The following SLC8A1 variants were observed in gnomAD, a reference collection of about 807,000 sequenced individuals.
The protein encoded by SLC8A1 is solute carrier family 8 member A1.
Under a neutral mutation model 68.3 loss-of-function variants are expected in SLC8A1, and 18 were observed. The ratio of observed to expected loss-of-function variants is 0.26; its 90% confidence interval spans 0.18 to 0.39. The LOEUF (loss-of-function observed/expected upper bound fraction) is 0.39. Among genes scored for constraint, SLC8A1 ranks in the 10% least tolerant of loss-of-function variants. The probability of loss-of-function intolerance (pLI) is 1.00; values close to 1 mark genes in which losing one functional copy is unlikely to be tolerated. For synonymous variants in SLC8A1, 475 were observed against 415.5 expected (o/e 1.14, Z -1.74); for missense variants, 985 against 1,156.7 (o/e 0.85, Z 2.15).
At chr2:40,403,729 G>C (rs902067909) in intron 2 of SLC8A1, among the ~76,000 whole-genome samples, 7 of 152,142 alleles carry the variant, frequency 4.6e-5, no homozygotes, top group South Asian at 2.1e-4. Context: ...AACATTTATT[G>C]TGCAAGATTC....
intron 1 of SLC8A1, among the ~76,000 whole-genome samples, chr2:40,434,334 G>T (rs1698983418): frequency 6.6e-6 from 1 of 152,160 alleles, no homozygotes; most frequent in South Asian, 2.1e-4. Context: ...GAACTCTCTG[G>T]ACTTAAATTT....
At chr2:40,298,770 T>C (rs1022964303) in intron 2 of SLC8A1, among the ~76,000 whole-genome samples, 3 of 152,146 alleles carry the variant, frequency 2.0e-5, no homozygotes, top group Non-Finnish European at 4.4e-5. Context: ...CTTATAGGAT[T>C]TTAAATATAA....
At chr2:40,248,826 T>C (rs1385904364) in intron 2 of SLC8A1, among the ~76,000 whole-genome samples, 1 of 152,148 alleles carries the variant, frequency 6.6e-6, no homozygotes, top group Non-Finnish European at 1.5e-5. Flanking sequence ...TTCTGATCTT[T>C]AGGGATTTAG....
intron 2 of SLC8A1, among the ~76,000 whole-genome samples, chr2:40,387,491 A>G (rs1392876593): frequency 6.6e-6 from 1 of 151,356 alleles, no homozygotes; most frequent in African/African-American, 2.5e-5. Context: ...ATCGCAGACA[A>G]ACTACCTAAG....
chr2:40,428,131 A>G (rs969440670), intron 2 of SLC8A1, among the ~76,000 whole-genome samples: 2 of 152,134 alleles, frequency 1.3e-5, no homozygotes, highest in Non-Finnish European at 2.9e-5. Context: ...ATACCATGTG[A>G]TTCAAAATAG....
intron 2 of SLC8A1, among the ~76,000 whole-genome samples, chr2:40,320,038 G>A (rs1212259017): frequency 2.0e-5 from 3 of 152,014 alleles, no homozygotes; most frequent in Admixed American, 6.6e-5. Context: ...AATGCCAAGG[G>A]CACAACAATT....
intron 1 of SLC8A1, among the ~76,000 whole-genome samples, chr2:40,509,011 A>G (rs766382296): frequency 7.9e-5 from 12 of 152,260 alleles, no homozygotes; most frequent in South Asian, 2.1e-4. Flanking sequence ...AAATAAATCA[A>G]TGGGATAAGG....
rs376934125 is a variant in SLC8A1, at chr2:40,394,564, A to G, written c.1808+33909T>C. The stretch of plus-strand genomic sequence containing the variant: ...GTTAGACATTTCGATAAGATTATAC[A>G]GAGCATATAGTGGATGCCTACTACA... On this transcript the variant is annotated intron_variant, in intron 2 of 7. Transcript: ENST00000406785. 7.2e-5 allele frequency among the ~76,000 whole-genome samples: 11 copies of G among 152,228 alleles called. No homozygotes were observed. The East Asian group carries it at 1.9e-3, about 27-fold the overall frequency.
upstream of SLC8A1, among the ~76,000 whole-genome samples, chr2:40,456,897 C>T (rs1703055103): frequency 6.6e-6 from 1 of 152,284 alleles, no homozygotes; most frequent in Non-Finnish European, 1.5e-5. Flanking sequence ...TACATTTCTA[C>T]ATCAAGAGAG....
intron 2 of SLC8A1, among the ~76,000 whole-genome samples, chr2:40,353,455 T>G (rs1671729472): frequency 6.6e-6 from 1 of 152,100 alleles, no homozygotes; most frequent in South Asian, 2.1e-4. Flanking sequence ...GGAAAATGGC[T>G]CTGACCCATT....
At chr2:40,271,120 G>A (rs916188256) in intron 2 of SLC8A1, among the ~76,000 whole-genome samples, 25 of 151,848 alleles carry the variant, frequency 1.6e-4, no homozygotes, top group African/African-American at 5.1e-4. Flanking sequence ...TGCCACTCCC[G>A]TATTCAAAAC....
intron 2 of SLC8A1, among the ~76,000 whole-genome samples, chr2:40,410,795 A>G (rs1691879406): frequency 6.6e-6 from 1 of 152,084 alleles, no homozygotes; most frequent in South Asian, 2.1e-4. Context: ...CTTATTAAAA[A>G]AGCATTTTCA....
intron 2 of SLC8A1, among the ~76,000 whole-genome samples, chr2:40,423,634 C>G (rs1696095751): frequency 6.6e-6 from 1 of 151,880 alleles, no homozygotes; most frequent in Non-Finnish European, 1.5e-5. Context: ...GACAAAATTC[C>G]TTTACATAAT....
intron 2 of SLC8A1, among the ~76,000 whole-genome samples, chr2:40,191,260 G>A (rs925064759): frequency 2.6e-5 from 4 of 152,046 alleles, no homozygotes; most frequent in African/African-American, 9.7e-5. Flanking sequence ...CACTAACTGT[G>A]GACTCTCACC....
chr2:40,380,130 G>T (rs1200144951), intron 2 of SLC8A1, among the ~76,000 whole-genome samples: 1 of 152,052 alleles, frequency 6.6e-6, no homozygotes, highest in Non-Finnish European at 1.5e-5. Flanking sequence ...ACTGTTTGTT[G>T]TTCTATCTCA....
intron 2 of SLC8A1, among the ~76,000 whole-genome samples, chr2:40,306,081 T>A (rs1489134028): frequency 6.6e-6 from 1 of 152,132 alleles, no homozygotes; most frequent in Admixed American, 6.5e-5. Context: ...GGGATGCTCA[T>A]GCTCTTATAC....
At chr2:40,299,888 C>A (rs2071114486) in intron 2 of SLC8A1, among the ~76,000 whole-genome samples, 1 of 152,156 alleles carries the variant, frequency 6.6e-6, no homozygotes, top group Admixed American at 6.5e-5. Context: ...GGCAAAATCT[C>A]CAGAAGAATC....
intron 1 of SLC8A1, among the ~76,000 whole-genome samples, chr2:40,433,758 C>T (rs1179283035): frequency 2.0e-5 from 3 of 152,184 alleles, no homozygotes; most frequent in African/African-American, 4.8e-5. Context: ...TAACTAACTG[C>T]TCCATTATAT....
chr2:40,178,332 G>A, intron 2 of SLC8A1, 55 bp downstream of exon 3: 3 of 1,312,178 alleles, frequency 2.3e-6, no homozygotes, highest in East Asian at 2.3e-5. Context: ...AGGCATCCAG[G>A]GGTGGCACAG....
Sources: allele counts gnomAD v4.1 joint callset (sites outside exome capture counted in the v4.1 genomes callset), GRCh38; gene constraint gnomAD v4.1.1; transcripts MANE v1.5; gene names NCBI Gene and HGNC (gene_info 2026-07-23, HGNC 2026-07-21).